The following MED13L variants were observed in gnomAD, a reference collection of about 807,000 sequenced individuals.
The protein encoded by MED13L is mediator complex subunit 13L.
A neutral mutation model predicts 220.9 loss-of-function variants in MED13L; 7 were observed. The observed-to-expected ratio is 0.03, with a 90% confidence interval of 0.02 to 0.06. The LOEUF (loss-of-function observed/expected upper bound fraction) is 0.06, where lower values mean the gene tolerates loss of function less well. Among genes scored for constraint, MED13L ranks in the 10% least tolerant of loss-of-function variants. The pLI, the probability that MED13L is intolerant of heterozygous loss-of-function variation, is 1.00. For missense variants in MED13L, 1,965 were observed against 2,760.5 expected (o/e 0.71, Z 6.46); for synonymous variants, 1,011 against 1,015.2 (o/e 1.00, Z 0.08).
chr12:116,176,876 CA>C (rs11285058), intron 2 of MED13L, among the ~76,000 whole-genome samples: 25,607 of 74,244 alleles, frequency 0.34, 1,684 homozygotes, highest in East Asian at 0.43. Flanking sequence ...AGAACTCAGC[CA>C]AAAAAAAAAA....
At chr12:116,062,008 GAAAAAAAA>G (rs71095507) in intron 4 of MED13L, among the ~76,000 whole-genome samples, 1 of 96,614 alleles carries the variant, frequency 1.0e-5, no homozygotes, top group African/African-American at 4.1e-5. Context: ...ACTCCACATC[GAAAAAAAA>G]AAAAAAAAAA....
At chr12:116,046,555 A>G (rs565601899) in intron 4 of MED13L, among the ~76,000 whole-genome samples, 5 of 152,356 alleles carry the variant, frequency 3.3e-5, no homozygotes, top group East Asian at 1.9e-4. Context: ...AATATAATTA[A>G]ATAAAGATAT....
intron 4 of MED13L, among the ~76,000 whole-genome samples, chr12:116,056,730 T>C (rs906770682): frequency 6.6e-6 from 1 of 152,152 alleles, no homozygotes; most frequent in Non-Finnish European, 1.5e-5. Context: ...TCTCCAAGAT[T>C]CTTTAAGAAA....
intron 14 of MED13L, among the ~76,000 whole-genome samples, chr12:116,001,943 C>A (rs1878772131): frequency 6.6e-6 from 1 of 152,212 alleles, no homozygotes; most frequent in South Asian, 2.1e-4. Context: ...TAACATTTCA[C>A]ATCACTACGC....
chr12:116,033,347 C>T (rs1379750206), intron 4 of MED13L, among the ~76,000 whole-genome samples: 1 of 152,080 alleles, frequency 6.6e-6, no homozygotes, highest in Non-Finnish European at 1.5e-5. Flanking sequence ...CTGATAAAGA[C>T]AGGAAACCAC....
chr12:116,014,963 T>A, intron 8 of MED13L, 146 bp downstream of exon 8: 1 of 794,404 alleles, frequency 1.3e-6, no homozygotes, highest in Admixed American at 2.1e-5. Context: ...TTTCAAATTT[T>A]ATTCTATTAA....
intron 4 of MED13L, among the ~76,000 whole-genome samples, chr12:116,084,189 G>A (rs1043176008): frequency 3.3e-5 from 5 of 152,244 alleles, no homozygotes; most frequent in African/African-American, 9.6e-5. Context: ...TTAGCACCAC[G>A]TGTTTCTAAG....
At chr12:116,198,356 A>T (rs79467749) in intron 2 of MED13L, among the ~76,000 whole-genome samples, 9,381 of 151,890 alleles carry the variant, frequency 0.062, 372 homozygotes, top group African/African-American at 0.1. Context: ...TTTAAAAAAA[A>T]TTTTTTTTCA....
intron 9 of MED13L, among the ~76,000 whole-genome samples, chr12:116,010,426 CT>C (rs1207613410): frequency 6.6e-6 from 1 of 152,118 alleles, no homozygotes; most frequent in East Asian, 1.9e-4. Flanking sequence ...TTGAGAGACA[CT>C]TTATGATACC....
chr12:116,036,084 T>A (rs909695110), intron 4 of MED13L, among the ~76,000 whole-genome samples: 2 of 152,206 alleles, frequency 1.3e-5, no homozygotes, highest in African/African-American at 4.8e-5. Context: ...AGAAACCATG[T>A]CTGTCCCCTG....
intron 10 of MED13L, 66 bp downstream of exon 10, chr12:116,008,335 G>T: frequency 6.5e-7 from 1 of 1,530,044 alleles, no homozygotes; most frequent in Non-Finnish European, 8.8e-7. Flanking sequence ...AGTTTAGCAG[G>T]TAGAGATGGG....
chr12:116,241,963 G>A (rs1870690106), intron 1 of MED13L, among the ~76,000 whole-genome samples: 1 of 149,952 alleles, frequency 6.7e-6, no homozygotes, highest in Admixed American at 6.6e-5. Flanking sequence ...CATCGTGGAT[G>A]TTTATTCAAT....
intron 2 of MED13L, among the ~76,000 whole-genome samples, chr12:116,226,994 T>C (rs964541361): frequency 6.6e-6 from 1 of 151,932 alleles, no homozygotes; most frequent in African/African-American, 2.4e-5. Flanking sequence ...ATGATACTTA[T>C]AGCTGAGTAT....
chr12:115,961,403 C>G lies in MED13L; in HGVS notation c.6501-5G>C. The G allele has an allele frequency of 6.2e-7, 1 of 1,613,436 alleles. No homozygotes were observed. Among genetic ancestry groups the G allele is most frequent in the Non-Finnish European group, 8.5e-7 (1 of 1,179,994 alleles). ...TTGTACTGCTCCAAAACAAACCTGC[C>G]AAAGAGAACACACAGAGCAGGGGCG... is the stretch of plus-strand genomic sequence containing the variant. On this transcript the variant is annotated splice_region_variant and splice_polypyrimidine_tract_variant and intron_variant, in intron 30 of 30. Transcript: ENST00000281928.
chr12:116,151,733 A>G lies in MED13L; in HGVS notation c.311-40221T>C, dbSNP rs539523294. Among the ~76,000 whole-genome samples, 3 of 152,344 alleles carry G rather than the reference A, an allele frequency of 2.0e-5. No individual in the cohort carries two copies. The South Asian group carries it at 6.2e-4, about 32-fold the overall frequency. On this transcript the variant is annotated intron_variant, in intron 2 of 30. Transcript: ENST00000281928. The stretch of plus-strand genomic sequence containing the variant: ...AACCATACAGACTAATGAGTGCCTT[A>G]TTTTTAACCTTCCTAAGGGTGAAAG...
chr12:115,997,315 C>A, intron 14 of MED13L, 85 bp from the exon 15 acceptor site: 1 of 1,041,602 alleles, frequency 9.6e-7, no homozygotes, highest in South Asian at 1.3e-5. Flanking sequence ...CTCTTTGGCA[C>A]CAAAAATAGT....
chr12:116,012,008 G>C (rs1481167457), intron 9 of MED13L, among the ~76,000 whole-genome samples: 2 of 152,120 alleles, frequency 1.3e-5, no homozygotes, highest in Non-Finnish European at 2.9e-5. Flanking sequence ...TTCTAAATAT[G>C]CTTATCTCAC....
intron 2 of MED13L, among the ~76,000 whole-genome samples, chr12:116,116,743 T>C (rs747414842): frequency 1.2e-4 from 18 of 151,686 alleles, no homozygotes; most frequent in Non-Finnish European, 1.8e-4. Flanking sequence ...CAGAATTGAA[T>C]TGAATTAGAG....
intron 16 of MED13L, among the ~76,000 whole-genome samples, chr12:115,993,315 A>T (rs563832983): frequency 6.6e-6 from 1 of 152,264 alleles, no homozygotes; most frequent in East Asian, 1.9e-4. Flanking sequence ...GAATATTTTT[A>T]AAATTTTTTA....
Sources: allele counts gnomAD v4.1 joint callset (sites outside exome capture counted in the v4.1 genomes callset), GRCh38; gene constraint gnomAD v4.1.1; transcripts MANE v1.5; gene names NCBI Gene and HGNC (gene_info 2026-07-23, HGNC 2026-07-21).